The following ZNF254 variants were observed in gnomAD, a reference collection of about 807,000 sequenced individuals.
ZNF254 encodes the protein zinc finger protein 254.
A neutral mutation model predicts 12.4 loss-of-function variants in ZNF254; 10 were observed. The observed-to-expected ratio is 0.80, with a 90% confidence interval of 0.50 to 1.36. The LOEUF is 1.36. ZNF254 is among the 40% of genes most tolerant of loss of function. The pLI, the probability that ZNF254 is intolerant of heterozygous loss-of-function variation, is 0.00. For synonymous variants in ZNF254, 305 were observed against 253.4 expected (o/e 1.20, Z -1.93); for missense variants, 996 against 763.9 (o/e 1.30, Z -3.58).
At chr19:24,098,042 A>G (rs1258744338) in intron 1 of ZNF254, among the ~76,000 whole-genome samples, 2 of 152,140 alleles carry the variant, frequency 1.3e-5, no homozygotes, top group African/African-American at 4.8e-5. Flanking sequence ...TTAAATAGCT[A>G]TTTTAATATT....
intron 2 of ZNF254, among the ~76,000 whole-genome samples, chr19:24,049,175 G>T (rs1970527158): frequency 7.8e-5 from 5 of 64,432 alleles, no homozygotes; most frequent in Admixed American, 1.6e-4. Context: ...TGTTTTTCAG[G>T]CTCTGGTTTT....
intron 2 of ZNF254, chr19:24,064,410 C>T (rs2145433641): frequency 6.6e-6 from 1 of 152,268 alleles, no homozygotes; most frequent in East Asian, 1.9e-4. Context: ...GGAGTCTCTG[C>T]TACTGCTTGG....
chr19:24,111,072 A>AG (rs1973645982), intron 3 of ZNF254, among the ~76,000 whole-genome samples: 1 of 151,226 alleles, frequency 6.6e-6, no homozygotes, highest in South Asian at 2.1e-4. Flanking sequence ...ATTTACCATT[A>AG]GGTATATCTC....
intron 1 of ZNF254, among the ~76,000 whole-genome samples, chr19:24,045,667 C>CA (rs35872820): frequency 0.069 from 6,113 of 88,270 alleles, 394 homozygotes; most frequent in African/African-American, 0.18. Context: ...GACTCTGTCT[C>CA]AAAAAAAAAA....
chr19:24,048,003 C>CTTTTTTTTTTTTT lies in ZNF254; in HGVS notation c.-94+1735_-94+1747dup, dbSNP rs398034320. On this transcript the variant is annotated intron_variant, in intron 2 of 4. Coordinates refer to the ZNF254 transcript ENST00000613065. ...CACCCGGCTCTTTTTTTCTTTTCTT[C>CTTTTTTTTTTTTT]TTTTTTTTTTTTTTTTTTTTTTTGC... 6.0e-3 allele frequency among the ~76,000 whole-genome samples: 410 copies of CTTTTTTTTTTTTT among 68,816 alleles called. 30 individuals are homozygous for CTTTTTTTTTTTTT. Among genetic ancestry groups the CTTTTTTTTTTTTT allele is most frequent in the Non-Finnish European group, 7.4e-3 (296 of 39,908 alleles). 45.1% of individuals were successfully genotyped at this position (68,816 alleles called of 152,430 possible). A position where few individuals can be genotyped will look rare whatever the true frequency, so the allele number is the denominator to read the frequency against.
intron 3 of ZNF254, among the ~76,000 whole-genome samples, chr19:24,117,243 T>C (rs562960742): frequency 3.9e-5 from 6 of 152,284 alleles, no homozygotes; most frequent in Non-Finnish European, 8.8e-5. Flanking sequence ...GACAGGGATA[T>C]TTAAGTCTGC....
intron 3 of ZNF254, among the ~76,000 whole-genome samples, chr19:24,117,313 C>T (rs561066478): frequency 1.3e-5 from 2 of 152,298 alleles, no homozygotes; most frequent in East Asian, 1.9e-4. Context: ...CCTACAGAGG[C>T]AGGCAGGCCT....
At chr19:24,119,690 C>T (rs750839694) in intron 3 of ZNF254, among the ~76,000 whole-genome samples, 1 of 152,046 alleles carries the variant, frequency 6.6e-6, no homozygotes, top group Non-Finnish European at 1.5e-5. Flanking sequence ...AAGGTTTTGC[C>T]GCATTGCTGA....
chr19:24,049,212 A>ATTTTTTTTTTTTTTTTTTTTTTTTT (rs1179977299), intron 2 of ZNF254, among the ~76,000 whole-genome samples: 1 of 42,250 alleles, frequency 2.4e-5, no homozygotes, highest in Admixed American at 2.6e-4. Flanking sequence ...ATATATATAT[A>ATTTTTTTTTTTTTTTTTTTTTTTTT]TATTTTTTTT....
chr19:24,117,573 C>T (rs568894319), intron 3 of ZNF254, among the ~76,000 whole-genome samples: 2 of 152,240 alleles, frequency 1.3e-5, no homozygotes, highest in African/African-American at 4.8e-5. Context: ...GTGGGAGTGA[C>T]CCGACTTTCC....
chr19:24,074,934 C>T (rs1568440373), intron 2 of ZNF254, among the ~76,000 whole-genome samples: 1 of 152,144 alleles, frequency 6.6e-6, no homozygotes, highest in African/African-American at 2.4e-5. Flanking sequence ...ATTTCTGGGC[C>T]CAGAACCTAA....
intron 2 of ZNF254, among the ~76,000 whole-genome samples, chr19:24,070,948 A>G (rs1171273957): frequency 1.3e-5 from 2 of 152,180 alleles, no homozygotes; most frequent in South Asian, 2.1e-4. Context: ...GGTAATATGA[A>G]TCTCCTACCT....
At chr19:24,082,437 G>A (rs555784689), upstream of ZNF254, among the ~76,000 whole-genome samples, 75 of 127,078 alleles carry the variant, frequency 5.9e-4, 1 homozygote, top group Non-Finnish European at 1.1e-3. Flanking sequence ...ACGAGGTCAG[G>A]AGATCGAGAC....
At chr19:24,054,974 G>A (rs1290026170) in intron 2 of ZNF254, among the ~76,000 whole-genome samples, 11 of 151,882 alleles carry the variant, frequency 7.2e-5, no homozygotes, top group South Asian at 2.1e-4. Flanking sequence ...GGAGGCCGAG[G>A]TGGGTGAAAC....
At chr19:24,085,227 C>T (rs571651295), upstream of ZNF254, among the ~76,000 whole-genome samples, 3 of 151,448 alleles carry the variant, frequency 2.0e-5, no homozygotes, top group East Asian at 3.9e-4. Flanking sequence ...CCACTGCACC[C>T]AGCCCAGAAT....
Position 24,128,009 on chromosome 19 carries a change from C to G in ZNF254, c.*29C>G. ...ATGTGCCAAAGCCTAAGAAAACCCT[C>G]AATTCTTAATAGATATAAGATTATT... is the stretch of plus-strand genomic sequence containing the variant. On this transcript the variant is annotated 3_prime_UTR_variant, in exon 4 of 4. Transcript: ENST00000357002. 1.3e-6 allele frequency: 2 copies of G among 1,513,098 alleles called. No individual in the cohort carries two copies. The highest frequency in any genetic ancestry group is 1.8e-6 in the Non-Finnish European group (2 of 1,137,520). 93.7% of individuals were successfully genotyped at this position (1,513,098 alleles called of 1,614,324 possible).
intron 2 of ZNF254, among the ~76,000 whole-genome samples, chr19:24,048,427 C>T (rs35713415): frequency 0.16 from 24,093 of 152,210 alleles, 2,085 homozygotes; most frequent in Middle Eastern, 0.23. Context: ...ATGTCGGCCA[C>T]AAGCGTAGGA....
At chr19:24,107,926 A>C (rs1973441717) in intron 3 of ZNF254, among the ~76,000 whole-genome samples, 1 of 152,172 alleles carries the variant, frequency 6.6e-6, no homozygotes, top group Non-Finnish European at 1.5e-5. Context: ...TTGTCTTCTT[A>C]AAAGGAGCTT....
intron 2 of ZNF254, among the ~76,000 whole-genome samples, chr19:24,071,925 A>G (rs1227173213): frequency 1.3e-5 from 2 of 152,298 alleles, no homozygotes; most frequent in Non-Finnish European, 2.9e-5. Flanking sequence ...CCATATTTCA[A>G]TATGCAAATT....
Sources: gnomAD v4.1 joint callset for allele counts (sites outside exome capture counted in the v4.1 genomes callset) on GRCh38, gnomAD v4.1.1 for gene constraint, MANE v1.5 for transcripts, NCBI Gene and HGNC (gene_info 2026-07-23, HGNC 2026-07-21) for gene names.